CLYBL: variants seen among roughly 807,000 people sequenced by gnomAD.
CLYBL encodes the protein citramalyl-CoA lyase, mitochondrial.
Under a neutral mutation model 38.9 loss-of-function variants are expected in CLYBL, and 31 were observed. That is an observed-to-expected ratio of 0.80 (90% confidence interval 0.60 to 1.08). The LOEUF (loss-of-function observed/expected upper bound fraction) is 1.08. CLYBL is among the 50% of genes least tolerant of loss of function. CLYBL has a pLI of 0.00. For synonymous variants in CLYBL, 171 were observed against 158.6 expected (o/e 1.08, Z -0.59); for missense variants, 434 against 411.6 (o/e 1.05, Z -0.47).
intron 1 of CLYBL, among the ~76,000 whole-genome samples, chr13:99,678,875 A>G (rs1445573688): frequency 6.6e-6 from 1 of 152,218 alleles, no homozygotes; most frequent in African/African-American, 2.4e-5. Flanking sequence ...GGATAATTCT[A>G]TTAGCATTTA....
rs371195325 is a variant in CLYBL, at chr13:99,615,407, A to C, written c.62+8650A>C. ...AAGCTGGGCTCCTTGGGGAGGAGCT[A>C]TTAGTACGTTTAATTAAATTTTTTA... On this transcript the variant is annotated intron_variant, in intron 1 of 8. Coordinates refer to ENST00000339105, the MANE Select transcript of CLYBL (RefSeq NM_206808.5). Among the ~76,000 whole-genome samples, 7 of 152,226 alleles carry C rather than the reference A, an allele frequency of 4.6e-5. No individual in the cohort carries two copies. In the East Asian group the frequency reaches 5.8e-4, roughly 13 times the overall value.
At chr13:99,718,399 G>C (rs1405224705) in intron 1 of CLYBL, among the ~76,000 whole-genome samples, 3 of 152,020 alleles carry the variant, frequency 2.0e-5, no homozygotes, top group African/African-American at 4.8e-5. Context: ...ACCTAGAGAG[G>C]GTTTTCATGA....
chr13:99,662,190 C>A (rs2047418545), intron 1 of CLYBL, among the ~76,000 whole-genome samples: 1 of 152,038 alleles, frequency 6.6e-6, no homozygotes, highest in African/African-American at 2.4e-5. Context: ...TAGTAAAAGC[C>A]CCAGAAGTTT....
chr13:99,672,942 C>T (rs998179157), intron 1 of CLYBL, among the ~76,000 whole-genome samples: 14 of 152,114 alleles, frequency 9.2e-5, no homozygotes, highest in African/African-American at 3.4e-4. Context: ...TTCATCCATG[C>T]GCCCAATGGG....
intron 1 of CLYBL, among the ~76,000 whole-genome samples, chr13:99,704,339 G>A (rs1037950316): frequency 4.6e-5 from 7 of 152,150 alleles, no homozygotes; most frequent in Non-Finnish European, 8.8e-5. Flanking sequence ...TTACTTTGAT[G>A]GTTACTTTCT....
At chr13:99,661,498 T>C (rs1278978307) in intron 1 of CLYBL, among the ~76,000 whole-genome samples, 1 of 152,212 alleles carries the variant, frequency 6.6e-6, no homozygotes, top group Non-Finnish European at 1.5e-5. Context: ...TTTTTAAACC[T>C]GTATATTTAT....
At chr13:99,617,378 C>T (rs570961851) in intron 1 of CLYBL, among the ~76,000 whole-genome samples, 1 of 152,158 alleles carries the variant, frequency 6.6e-6, no homozygotes, top group Non-Finnish European at 1.5e-5. Context: ...ATACTTTGTA[C>T]CACTTTGGAA....
intron 1 of CLYBL, among the ~76,000 whole-genome samples, chr13:99,628,675 A>G (rs566564056): frequency 2.8e-4 from 43 of 152,362 alleles, no homozygotes; most frequent in African/African-American, 9.4e-4. Context: ...ACAGGCTTGT[A>G]AACTGGAGCC....
In CLYBL at chr13:99,876,815, C is replaced by A. The variant is rs1221030528; in HGVS notation, c.927+5753C>A. On this transcript the variant is annotated intron_variant, in intron 7 of 8. Transcript: ENST00000339105. ...TCAGTTGAATATTACAGTGAATACC[C>A]ACACTCATGACCAAAACGAGATAGA... 2.6e-5 allele frequency among the ~76,000 whole-genome samples: 4 copies of A among 152,144 alleles called. No homozygotes were observed. In the East Asian group the frequency reaches 5.8e-4, roughly 22 times the overall value.
chr13:99,668,326 C>T (rs1454961997), intron 1 of CLYBL, among the ~76,000 whole-genome samples: 1 of 151,302 alleles, frequency 6.6e-6, no homozygotes, highest in Non-Finnish European at 1.5e-5. Context: ...GTAGCTCACG[C>T]CTGTAATCCC....
At chr13:99,882,848 A>G (rs1184343589) in intron 7 of CLYBL, among the ~76,000 whole-genome samples, 1 of 151,848 alleles carries the variant, frequency 6.6e-6, no homozygotes, top group East Asian at 1.9e-4. Context: ...CAATCTTCCT[A>G]TTTCCTCCTC....
chr13:99,718,798 G>GT (rs1422148508), intron 1 of CLYBL, among the ~76,000 whole-genome samples: 4 of 151,708 alleles, frequency 2.6e-5, no homozygotes, highest in Non-Finnish European at 5.9e-5. Flanking sequence ...TTTCTATCTT[G>GT]TTTGATATTA....
At chr13:99,694,637 C>T (rs2047952958) in intron 1 of CLYBL, among the ~76,000 whole-genome samples, 1 of 152,138 alleles carries the variant, frequency 6.6e-6, no homozygotes, top group Non-Finnish European at 1.5e-5. Context: ...TGCTGGCCCG[C>T]TTGCTTCATT....
At chr13:99,768,484 C>G (rs1173749869) in intron 1 of CLYBL, among the ~76,000 whole-genome samples, 1 of 138,848 alleles carries the variant, frequency 7.2e-6, no homozygotes, top group Admixed American at 7.6e-5. Context: ...TGAGCCACTG[C>G]GCCCGACCTC....
chr13:99,618,004 C>T (rs1469670542), intron 1 of CLYBL, among the ~76,000 whole-genome samples: 2 of 152,190 alleles, frequency 1.3e-5, no homozygotes, highest in South Asian at 2.1e-4. Context: ...TTTCCTATTG[C>T]CCCATTTCCA....
chr13:99,809,569 C>T (rs2050299078), intron 2 of CLYBL, among the ~76,000 whole-genome samples: 1 of 152,264 alleles, frequency 6.6e-6, no homozygotes, highest in Non-Finnish European at 1.5e-5. Context: ...CCTCTTTTGG[C>T]ACCTTTCCCC....
In CLYBL at chr13:99,662,249, G is replaced by C. The variant is rs903808158; in HGVS notation, c.62+55492G>C. The stretch of plus-strand genomic sequence containing the variant: ...CTCTCAGCACAGATTTAATTGTGCC[G>C]TGTGATTTTGAGTAACTTGAGTAGA... On this transcript the variant is annotated intron_variant, in intron 1 of 8. Transcript: ENST00000339105. Among the ~76,000 whole-genome samples, 3 of 152,160 alleles carry C rather than the reference G, an allele frequency of 2.0e-5. No homozygotes were observed. The South Asian group carries it at 6.2e-4, about 32-fold the overall frequency.
chr13:99,706,017 C>T (rs1458879085), intron 1 of CLYBL, among the ~76,000 whole-genome samples: 2 of 151,810 alleles, frequency 1.3e-5, no homozygotes, highest in Non-Finnish European at 2.9e-5. Flanking sequence ...CTGCAACCTC[C>T]GCCTCCTGGG....
downstream of CLYBL, among the ~76,000 whole-genome samples, chr13:99,902,064 C>T (rs902738297): frequency 6.6e-6 from 1 of 152,148 alleles, no homozygotes; most frequent in Non-Finnish European, 1.5e-5. Context: ...TAGAGTGATG[C>T]TTAGAAATGA....
Sources: gnomAD v4.1 joint callset for allele counts (sites outside exome capture counted in the v4.1 genomes callset) on GRCh38, gnomAD v4.1.1 for gene constraint, MANE v1.5 for transcripts, NCBI Gene and HGNC (gene_info 2026-07-23, HGNC 2026-07-21) for gene names.